Variants in PRKG1 observed in about 807,000 individuals in gnomAD.
The protein encoded by PRKG1 is protein kinase cGMP-dependent 1, also known as cGMP-dependent protein kinase 1.
PRKG1 carries 35 observed loss-of-function variants against 88.1 expected under a neutral mutation model. The observed-to-expected ratio is 0.40, with a 90% CI of 0.30 to 0.53. PRKG1 has a LOEUF of 0.53. Ranked by LOEUF, PRKG1 falls within the 20% of genes least tolerant of loss-of-function variation. The probability of loss-of-function intolerance (pLI) is 0.59; values close to 1 mark genes in which losing one functional copy is unlikely to be tolerated. For synonymous variants in PRKG1, 303 were observed against 292.5 expected (o/e 1.04, Z -0.37); for missense variants, 540 against 839.8 (o/e 0.64, Z 4.41).
chr10:51,715,945 T>C (rs1841875168), intron 3 of PRKG1, among the ~76,000 whole-genome samples: 2 of 152,210 alleles, frequency 1.3e-5, no homozygotes, highest in South Asian at 4.1e-4. Context: ...TTCATAGACA[T>C]GGGGATTATT....
intron 2 of PRKG1, among the ~76,000 whole-genome samples, chr10:51,279,775 T>G (rs10761999): frequency 0.43 from 65,850 of 151,938 alleles, 14,937 homozygotes; most frequent in African/African-American, 0.56. Flanking sequence ...GTCTCTGCAT[T>G]TGAGATGCGT....
chr10:52,252,314 T>C (rs1015981273), intron 10 of PRKG1: 3 of 152,154 alleles, frequency 2.0e-5, no homozygotes, highest in African/African-American at 7.2e-5. Context: ...GTAAACAATA[T>C]GAAAACGTAC....
At chr10:52,000,300 G>A (rs550229323) in intron 5 of PRKG1, among the ~76,000 whole-genome samples, 103 of 145,812 alleles carry the variant, frequency 7.1e-4, no homozygotes, top group African/African-American at 2.5e-3. Flanking sequence ...AAACATTGGA[G>A]ATATCAAAAA....
chr10:51,771,821 A>G (rs1483165592), intron 3 of PRKG1, among the ~76,000 whole-genome samples: 1 of 152,140 alleles, frequency 6.6e-6, no homozygotes, highest in Non-Finnish European at 1.5e-5. Context: ...CTGGCTTTCT[A>G]TCTGCCCAGC....
At chr10:51,395,392 C>A (rs1443736382) in intron 2 of PRKG1, among the ~76,000 whole-genome samples, 1 of 152,140 alleles carries the variant, frequency 6.6e-6, no homozygotes, top group African/African-American at 2.4e-5. Flanking sequence ...TTAGTTTGAG[C>A]CACACTACTT....
At chr10:51,627,929 T>TTCCTTCCCTTCCTTCCCTTCCTTCCTTC (rs1426640394) in intron 3 of PRKG1, among the ~76,000 whole-genome samples, 4 of 41,636 alleles carry the variant, frequency 9.6e-5, no homozygotes, top group African/African-American at 2.5e-4. Context: ...TCCCTTCCTT[T>TTCCTTCCCTTCCTTCCCTTCCTTCCTTC]CTTCCTTCCT....
chr10:51,907,144 C>A (rs961703709), intron 4 of PRKG1, among the ~76,000 whole-genome samples: 1 of 152,078 alleles, frequency 6.6e-6, no homozygotes, highest in African/African-American at 2.4e-5. Flanking sequence ...ATGCCCTTGG[C>A]CAAGAGGGGC....
At chr10:51,521,437 G>C (rs759913214) in intron 3 of PRKG1, among the ~76,000 whole-genome samples, 3 of 152,142 alleles carry the variant, frequency 2.0e-5, no homozygotes, top group Non-Finnish European at 2.9e-5. Flanking sequence ...AAAGGTGAAG[G>C]CTGTTAAATT....
chr10:52,279,906 C>A (rs1345057699), intron 12 of PRKG1, among the ~76,000 whole-genome samples: 1 of 150,102 alleles, frequency 6.7e-6, no homozygotes, highest in African/African-American at 2.4e-5. Flanking sequence ...TAAGAAGTAC[C>A]ATGAAAAAAA....
rs1042073116 is a variant in PRKG1, at chr10:51,118,189, G to A, written c.312-34975G>A. ...GCAATCTTTAGGTCAGTGTTTTATG[G>A]CATTTGGCCAAAGGCCATTTAAAAG... is the stretch of plus-strand genomic sequence containing the variant. On this transcript the variant is annotated intron_variant, in intron 1 of 17. Transcript: ENST00000373980. Among the ~76,000 whole-genome samples the A allele has an allele frequency of 2.6e-5, 4 of 152,110 alleles. No homozygotes were observed. The East Asian group carries it at 7.7e-4, about 29-fold the overall frequency.
chr10:52,199,695 G>A (rs2174257), intron 9 of PRKG1, among the ~76,000 whole-genome samples: 75,758 of 151,762 alleles, frequency 0.5, 19,527 homozygotes, highest in East Asian at 0.6. Context: ...GATTTACTCC[G>A]TGACCCCAGT....
intron 1 of PRKG1, among the ~76,000 whole-genome samples, chr10:51,039,603 T>A (rs1843394518): frequency 6.6e-6 from 1 of 151,998 alleles, no homozygotes; most frequent in Non-Finnish European, 1.5e-5. Context: ...GTTTGTTTTG[T>A]CTTTTAACGT....
intron 3 of PRKG1, among the ~76,000 whole-genome samples, chr10:51,779,025 A>C (rs1401722604): frequency 1.3e-5 from 2 of 152,122 alleles, no homozygotes; most frequent in East Asian, 3.9e-4. Flanking sequence ...GAAGATGGAG[A>C]AACAGAAGGA....
At chr10:51,699,545 G>C in intron 3 of PRKG1, 1 of 1,608,518 alleles carries the variant, frequency 6.2e-7, no homozygotes, top group Non-Finnish European at 8.5e-7. Flanking sequence ...CGCCAAACTC[G>C]ACATGATTCC....
intron 3 of PRKG1, among the ~76,000 whole-genome samples, chr10:51,658,576 G>A (rs565028126): frequency 3.2e-4 from 48 of 148,160 alleles, no homozygotes; most frequent in Non-Finnish European, 6.0e-4. Context: ...ATGCTGTGAG[G>A]GAAAAAAAAA....
intron 3 of PRKG1, among the ~76,000 whole-genome samples, chr10:51,555,224 T>G (rs1350957808): frequency 6.6e-6 from 1 of 151,950 alleles, no homozygotes; most frequent in African/African-American, 2.4e-5. Flanking sequence ...TAAGAAATAG[T>G]AATAACATTT....
chr10:51,656,659 C>T (rs1351450808), intron 3 of PRKG1, among the ~76,000 whole-genome samples: 2 of 152,090 alleles, frequency 1.3e-5, no homozygotes, highest in African/African-American at 4.8e-5. Context: ...ATCTTAAACA[C>T]CACTCCCAGA....
At chr10:51,665,947 G>GTGTGTTTT (rs1840412978) in intron 3 of PRKG1, among the ~76,000 whole-genome samples, 1 of 151,970 alleles carries the variant, frequency 6.6e-6, no homozygotes, top group African/African-American at 2.4e-5. Context: ...TTGTGTGTTT[G>GTGTGTTTT]TGTGTGTGAA....
At chr10:51,444,208 G>A (rs1413139549) in intron 2 of PRKG1, among the ~76,000 whole-genome samples, 2 of 151,456 alleles carry the variant, frequency 1.3e-5, no homozygotes, top group African/African-American at 4.8e-5. Context: ...GAAATGGGCA[G>A]GGTCTGGGAA....
Sources: allele counts gnomAD v4.1 joint callset (sites outside exome capture counted in the v4.1 genomes callset), GRCh38; gene constraint gnomAD v4.1.1; transcripts MANE v1.5; gene names NCBI Gene and HGNC (gene_info 2026-07-23, HGNC 2026-07-21).